Variants in SPIDR observed in about 807,000 individuals in gnomAD.
SPIDR encodes the protein scaffold protein involved in DNA repair, also known as DNA repair-scaffolding protein.
In SPIDR, 93 loss-of-function variants were observed where a neutral mutation model predicts 104.6. The observed-to-expected ratio is 0.89, with a 90% CI of 0.75 to 1.06. The LOEUF (loss-of-function observed/expected upper bound fraction) is 1.06. Among genes scored for constraint, SPIDR ranks in the 50% least tolerant of loss-of-function variants. The pLI is 0.00. For synonymous variants in SPIDR, 431 were observed against 416.9 expected (o/e 1.03, Z -0.41); for missense variants, 1,154 against 1,111.2 (o/e 1.04, Z -0.55).
chr8:47,550,937 TG>T (rs1175473970), intron 8 of SPIDR, among the ~76,000 whole-genome samples: 1 of 152,188 alleles, frequency 6.6e-6, no homozygotes, highest in East Asian at 1.9e-4. Flanking sequence ...TTTTGAGATA[TG>T]TTCCATCAGT....
chr8:47,290,160 C>T (rs372280865), intron 3 of SPIDR, among the ~76,000 whole-genome samples: 5 of 151,964 alleles, frequency 3.3e-5, no homozygotes, highest in African/African-American at 4.8e-5. Context: ...CTGCCTCAGC[C>T]CCCCCTGAGT....
chr8:47,548,572 T>C (rs2089889934), intron 8 of SPIDR, among the ~76,000 whole-genome samples: 2 of 152,170 alleles, frequency 1.3e-5, no homozygotes, highest in African/African-American at 2.4e-5. Context: ...CACTTGAACC[T>C]GGGAGGCTGA....
At chr8:47,710,934 C>T (rs1044724948) in intron 14 of SPIDR, among the ~76,000 whole-genome samples, 12 of 151,764 alleles carry the variant, frequency 7.9e-5, no homozygotes, top group African/African-American at 2.9e-4. Context: ...CACTCGCCAC[C>T]ACACCCAGCT....
intron 19 of SPIDR, among the ~76,000 whole-genome samples, chr8:47,730,551 C>T (rs981436522): frequency 2.4e-4 from 37 of 152,130 alleles, no homozygotes; most frequent in African/African-American, 8.9e-4. Context: ...AATAAGGGGT[C>T]TTTGTCTAAT....
chr8:47,622,446 C>T (rs1326279632), intron 10 of SPIDR, among the ~76,000 whole-genome samples: 1 of 152,142 alleles, frequency 6.6e-6, no homozygotes. Flanking sequence ...AGAGGTAAGA[C>T]TCGGCCTGAG....
intron 8 of SPIDR, among the ~76,000 whole-genome samples, chr8:47,496,559 T>C (rs2079471330): frequency 6.6e-6 from 1 of 152,156 alleles, no homozygotes; most frequent in Non-Finnish European, 1.5e-5. Context: ...AGTTGTGGTA[T>C]ATAATCCGTT....
intron 10 of SPIDR, among the ~76,000 whole-genome samples, chr8:47,630,369 T>C (rs1563365852): frequency 6.6e-6 from 1 of 152,174 alleles, no homozygotes; most frequent in Non-Finnish European, 1.5e-5. Flanking sequence ...CATCAAAAGC[T>C]CAAAATTCCG....
chr8:47,489,681 C>T (rs868920610), intron 8 of SPIDR, among the ~76,000 whole-genome samples: 3 of 152,120 alleles, frequency 2.0e-5, no homozygotes, highest in Non-Finnish European at 2.9e-5. Context: ...AGAACAGAGC[C>T]GTCAGAAATA....
intron 9 of SPIDR, among the ~76,000 whole-genome samples, chr8:47,596,672 A>G (rs1441710231): frequency 1.3e-5 from 2 of 152,166 alleles, no homozygotes; most frequent in Non-Finnish European, 2.9e-5. Context: ...TTTTTTCTTC[A>G]GTAATAAGTT....
At chr8:47,338,026 C>G (rs2050089474) in intron 5 of SPIDR, among the ~76,000 whole-genome samples, 1 of 152,088 alleles carries the variant, frequency 6.6e-6, no homozygotes, top group Middle Eastern at 3.2e-3. Flanking sequence ...AGTCCTATAA[C>G]TTTGATTTCT....
intron 8 of SPIDR, among the ~76,000 whole-genome samples, chr8:47,440,785 ACT>A (rs1234740496): frequency 1.3e-5 from 2 of 151,616 alleles, no homozygotes; most frequent in Non-Finnish European, 2.9e-5. Flanking sequence ...CCATATTAAG[ACT>A]CTTGCCCAAG....
intron 6 of SPIDR, among the ~76,000 whole-genome samples, chr8:47,402,684 CA>C (rs1230490772): frequency 6.6e-6 from 1 of 151,010 alleles, no homozygotes; most frequent in Non-Finnish European, 1.5e-5. Context: ...AGACCAATAA[CA>C]GGTTCTGAAA....
chr8:47,369,701 A>C (rs1422797189), intron 5 of SPIDR, among the ~76,000 whole-genome samples: 1 of 152,230 alleles, frequency 6.6e-6, no homozygotes, highest in Non-Finnish European at 1.5e-5. Context: ...TGGTGTTCTG[A>C]ATGGCAGTTA....
In SPIDR at chr8:47,599,140, C is replaced by G. The variant is rs752406255; in HGVS notation, c.1488C>G (p.Asp496Glu). The G allele has an allele frequency of 1.2e-6, 2 of 1,613,672 alleles. No homozygotes were observed. Among genetic ancestry groups the G allele is most frequent in the Non-Finnish European group, 8.5e-7 (1 of 1,179,876 alleles). The change falls in exon 10 of 20, where the codon GAC (aspartate) becomes GAG (glutamate). Residue 496 changes from aspartate to glutamate, a missense_variant. Transcript: ENST00000297423. ...GAGTGTATTCTCTTCCCAGCAGAGA[C>G]AGCACCAGGGGTCAGCAGGGGGCCA... ...VQRVYSLPSR[D>E]STRGQQGASS...
intron 10 of SPIDR, among the ~76,000 whole-genome samples, chr8:47,638,332 G>C (rs968618312): frequency 6.6e-6 from 1 of 152,156 alleles, no homozygotes; most frequent in African/African-American, 2.4e-5. Context: ...TTAAAAAAGA[G>C]ACAGGGTCTC....
chr8:47,619,074 ATG>A (rs1202541920), intron 10 of SPIDR, among the ~76,000 whole-genome samples: 1 of 152,252 alleles, frequency 6.6e-6, no homozygotes, highest in East Asian at 1.9e-4. Context: ...ATTTTGAACT[ATG>A]TGAATGGGTT....
chr8:47,357,975 C>A, intron 5 of SPIDR: 1 of 495,774 alleles, frequency 2.0e-6, no homozygotes. Context: ...TTCACTCTGG[C>A]AGTCTTTCCT....
intron 5 of SPIDR, among the ~76,000 whole-genome samples, chr8:47,340,508 G>A (rs1408038248): frequency 2.6e-5 from 4 of 152,096 alleles, no homozygotes; most frequent in Non-Finnish European, 5.9e-5. Context: ...AGTCTGAGGT[G>A]GGAGAATCAC....
At chr8:47,357,500 C>T (rs1244301419) in intron 5 of SPIDR, among the ~76,000 whole-genome samples, 1 of 152,090 alleles carries the variant, frequency 6.6e-6, no homozygotes, top group East Asian at 1.9e-4. Context: ...GCTTAGATGG[C>T]CAAGAGAAGA....
Sources: gnomAD v4.1 joint callset for allele counts (sites outside exome capture counted in the v4.1 genomes callset) on GRCh38, gnomAD v4.1.1 for gene constraint, MANE v1.5 for transcripts, NCBI Gene and HGNC (gene_info 2026-07-23, HGNC 2026-07-21) for gene names.